LARP1: variants seen among roughly 807,000 people sequenced by gnomAD.
LARP1 encodes the protein La ribonucleoprotein 1, translational regulator.
LARP1 carries 36 observed loss-of-function variants against 122.7 expected under a neutral mutation model. The observed-to-expected ratio is 0.29, with a 90% CI of 0.22 to 0.39. The LOEUF (loss-of-function observed/expected upper bound fraction) is 0.39. Among genes scored for constraint, LARP1 ranks in the 10% least tolerant of loss-of-function variants. LARP1 has a pLI of 1.00. For missense variants in LARP1, 1,040 were observed against 1,403.6 expected (o/e 0.74, Z 4.14); for synonymous variants, 539 against 528.7 (o/e 1.02, Z -0.27).
chr5:154,721,240 C>G (rs1377989452), intron 1 of LARP1, among the ~76,000 whole-genome samples: 1 of 151,154 alleles, frequency 6.6e-6, no homozygotes, highest in African/African-American at 2.4e-5. Context: ...CCAGCTACTC[C>G]AGAGGCTGAG....
chr5:154,804,867 C>G, intron 14 of LARP1: 1 of 456,206 alleles, frequency 2.2e-6, no homozygotes, highest in Non-Finnish European at 4.4e-6. Flanking sequence ...GCAGAGATGG[C>G]ACAGACTGCA....
At chr5:154,738,134 TA>T (rs1019785384) in intron 1 of LARP1, among the ~76,000 whole-genome samples, 2 of 152,108 alleles carry the variant, frequency 1.3e-5, no homozygotes, top group Non-Finnish European at 2.9e-5. Flanking sequence ...ACACAGTAGG[TA>T]AACCATGCGT....
intron 1 of LARP1, 117 bp downstream of exon 1, chr5:154,756,310 T>C: frequency 4.3e-6 from 4 of 940,796 alleles, no homozygotes; most frequent in Non-Finnish European, 5.2e-6. Flanking sequence ...GACTCGGGAC[T>C]TTTTAAAATT....
intron 1 of LARP1, among the ~76,000 whole-genome samples, chr5:154,695,832 C>T (rs181507697): frequency 6.6e-6 from 1 of 151,984 alleles, no homozygotes; most frequent in Admixed American, 6.6e-5. Flanking sequence ...AAGATCGTGC[C>T]GCTGCACTCC....
chr5:154,738,158 G>A (rs889855745), intron 1 of LARP1, among the ~76,000 whole-genome samples: 2 of 152,188 alleles, frequency 1.3e-5, no homozygotes, highest in African/African-American at 4.8e-5. Context: ...GTGGGATACT[G>A]TTTGCTGCCA....
chr5:154,685,061 T>C (rs1753861375), intron 1 of LARP1, among the ~76,000 whole-genome samples: 1 of 152,130 alleles, frequency 6.6e-6, no homozygotes, highest in Admixed American at 6.6e-5. Context: ...CTGACCAACA[T>C]GGTGAAACTT....
intron 8 of LARP1, among the ~76,000 whole-genome samples, chr5:154,795,525 A>C (rs1051133491): frequency 2.0e-5 from 3 of 152,002 alleles, no homozygotes; most frequent in Non-Finnish European, 4.4e-5. Context: ...ACACTTAACA[A>C]AAGTAGAGTA....
chr5:154,800,026 C>T lies in LARP1; in HGVS notation c.1700C>T (p.Ser567Phe), dbSNP rs1428987030. 10 of 1,613,528 alleles carry T rather than the reference C, an allele frequency of 6.2e-6. No individual in the cohort carries two copies. The highest frequency in any genetic ancestry group is 6.8e-6 in the Non-Finnish European group (8 of 1,179,960). The change falls in exon 10 of 19, where the codon TCC becomes TTC. Residue 567 changes from serine to phenylalanine, a missense_variant. This residue lies in a region of LARP1 where 362 missense variants were observed against 533.1 expected (regional missense o/e 0.68). Coordinates refer to ENST00000518297, the MANE Select transcript of LARP1 (RefSeq NM_033551.3). ...WIEVKKRPRP[S>F]PARPKKSEES... ...GAAGTGAAGAAGAGGCCTCGGCCAT[C>T]CCCAGCACGGCCCAAGGTGGGTGAG... is the stretch of plus-strand genomic sequence containing the variant.
At chr5:154,812,505 G>GCCCCCCCC (rs36105801) in intron 18 of LARP1, among the ~76,000 whole-genome samples, 2 of 58,972 alleles carry the variant, frequency 3.4e-5, no homozygotes, top group Non-Finnish European at 6.4e-5. Flanking sequence ...GGAAGTAAAA[G>GCCCCCCCC]CCCCCCCCCC....
At chr5:154,796,330 A>T (rs1280554924) in intron 8 of LARP1, among the ~76,000 whole-genome samples, 1 of 150,564 alleles carries the variant, frequency 6.6e-6, no homozygotes, top group Non-Finnish European at 1.5e-5. Context: ...TAGCCTGGGT[A>T]ACATAGCAGG....
intron 16 of LARP1, among the ~76,000 whole-genome samples, chr5:154,809,978 A>G (rs1427937966): frequency 6.6e-6 from 1 of 151,856 alleles, no homozygotes; most frequent in East Asian, 1.9e-4. Context: ...AAGTGCTGGG[A>G]TTACTTTGTG....
intron 1 of LARP1, chr5:154,756,612 TC>T: frequency 1.7e-6 from 1 of 599,506 alleles, no homozygotes; most frequent in Non-Finnish European, 2.1e-6. Flanking sequence ...GTTGCGAGCG[TC>T]CCCATGTTGT....
intron 14 of LARP1, 96 bp from the exon 15 acceptor site, chr5:154,805,785 G>T: frequency 7.6e-7 from 1 of 1,318,596 alleles, no homozygotes. Flanking sequence ...GTGAGAGGAT[G>T]GATCTTGGCT....
At chr5:154,737,391 G>A (rs2113439105) in intron 1 of LARP1, among the ~76,000 whole-genome samples, 1 of 150,726 alleles carries the variant, frequency 6.6e-6, no homozygotes, top group African/African-American at 2.4e-5. Flanking sequence ...GTACTCAAAG[G>A]AACTAAACTT....
At position 154,803,452 on chromosome 5, in the gene LARP1, G is replaced by A. The variant is rs572008206; in HGVS notation, c.2233+39G>A. 36 of 1,614,144 alleles carry A rather than the reference G, an allele frequency of 2.2e-5. No individual in the cohort carries two copies. The highest frequency in any genetic ancestry group is 2.2e-4 in the South Asian group (20 of 91,072). On this transcript the variant is annotated intron_variant, in intron 12 of 18. Transcript: ENST00000518297. This position sits in a 1 kb window ranked among gnomAD's most constrained non-coding sequence, Gnocchi z 4.4. Reference sequence around the variant, plus strand: ...ACCTGAGATCCTGACATGGGTGAGAGGATCTAGGGCCCTTGGACTGGGGGC... The same window carrying A: ...ACCTGAGATCCTGACATGGGTGAGAAGATCTAGGGCCCTTGGACTGGGGGC...
At chr5:154,767,925 GA>G (rs1395620312) in intron 1 of LARP1, among the ~76,000 whole-genome samples, 1 of 152,134 alleles carries the variant, frequency 6.6e-6, no homozygotes, top group Non-Finnish European at 1.5e-5. Flanking sequence ...ACACCTGGAA[GA>G]ATTGGCTCAC....
In LARP1 at chr5:154,803,813, T is replaced by G; in HGVS notation, c.2439+68T>G. 6.8e-7 allele frequency: 1 copy of G among 1,473,152 alleles called. No homozygotes were observed. The highest frequency in any genetic ancestry group is 1.2e-5 in the South Asian group (1 of 86,356). The allele number at this position is 1,473,152 out of a possible 1,614,324, so 91.3% of individuals were successfully genotyped here. ...TCATTGCATTCCAGTGCTTTGCTTC[T>G]CTCCCTTGCCTTGTCTGAGCTAAGG... On this transcript the variant is annotated intron_variant, in intron 13 of 18. Coordinates refer to ENST00000518297, the MANE Select transcript of LARP1 (RefSeq NM_033551.3). This position sits in a 1 kb window ranked among gnomAD's most constrained non-coding sequence, Gnocchi z 4.4.
intron 1 of LARP1, among the ~76,000 whole-genome samples, chr5:154,736,961 A>G (rs1388376386): frequency 6.6e-6 from 1 of 152,118 alleles, no homozygotes; most frequent in Non-Finnish European, 1.5e-5. Flanking sequence ...TCCAGTTTCT[A>G]CACATCCTTG....
chr5:154,735,505 G>A (rs1480066297), intron 1 of LARP1, among the ~76,000 whole-genome samples: 1 of 151,200 alleles, frequency 6.6e-6, no homozygotes, highest in African/African-American at 2.4e-5. Flanking sequence ...CACAGAAGTG[G>A]GATTGCTGGA....
Sources: allele counts gnomAD v4.1 joint callset (sites outside exome capture counted in the v4.1 genomes callset), GRCh38; gene constraint gnomAD v4.1.1; regional missense constraint gnomAD v4.1.1; non-coding constraint Gnocchi (gnomAD v3.1); transcripts MANE v1.5; gene names NCBI Gene and HGNC (gene_info 2026-07-23, HGNC 2026-07-21).